Variants in HS6ST1 observed in about 807,000 individuals in gnomAD.
HS6ST1 encodes heparan sulfate 6-O-sulfotransferase 1.
Under a neutral mutation model 25.2 loss-of-function variants are expected in HS6ST1, and 3 were observed. The ratio of observed to expected loss-of-function variants is 0.12; its 90% CI spans 0.05 to 0.31. The LOEUF (loss-of-function observed/expected upper bound fraction) is 0.31. Ranked by LOEUF, HS6ST1 falls within the 10% of genes least tolerant of loss-of-function variation. HS6ST1 has a pLI of 1.00. For missense variants in HS6ST1, 310 were observed against 609.6 expected (o/e 0.51, Z 5.18); for synonymous variants, 204 against 275.1 (o/e 0.74, Z 2.56).
At chr2:128,306,619 G>A (rs776083245) in intron 1 of HS6ST1, among the ~76,000 whole-genome samples, 1 of 152,222 alleles carries the variant, frequency 6.6e-6, no homozygotes, top group African/African-American at 2.4e-5. Context: ...ATTCTCAGGT[G>A]GATGGTGATG....
intron 1 of HS6ST1, among the ~76,000 whole-genome samples, chr2:128,282,112 G>C (rs1279797136): frequency 6.6e-6 from 1 of 152,242 alleles, no homozygotes; most frequent in Non-Finnish European, 1.5e-5. Context: ...TGCTGCTCAG[G>C]ACGCCCTGCT....
intron 1 of HS6ST1, among the ~76,000 whole-genome samples, chr2:128,300,632 G>A (rs1694110585): frequency 1.3e-5 from 2 of 152,178 alleles, no homozygotes; most frequent in Non-Finnish European, 2.9e-5. Context: ...TTCGGGGGAG[G>A]CTGTAACTAA....
intron 1 of HS6ST1, among the ~76,000 whole-genome samples, chr2:128,294,617 GAGA>G (rs1237365725): frequency 2.0e-5 from 3 of 152,098 alleles, no homozygotes; most frequent in African/African-American, 7.2e-5. Flanking sequence ...GGAGAGCTGG[GAGA>G]AGAAGGTGGG....
chr2:128,290,833 A>G (rs903897008), intron 1 of HS6ST1, among the ~76,000 whole-genome samples: 1 of 151,056 alleles, frequency 6.6e-6, no homozygotes, highest in Non-Finnish European at 1.5e-5. Flanking sequence ...AAAAAAAAAA[A>G]AAAAAAAAAA....
chr2:128,301,585 AT>A (rs1389095627), intron 1 of HS6ST1, among the ~76,000 whole-genome samples: 1 of 152,220 alleles, frequency 6.6e-6, no homozygotes, highest in African/African-American at 2.4e-5. Context: ...GAAAAAAGGA[AT>A]TCTTGTTCCA....
intron 1 of HS6ST1, among the ~76,000 whole-genome samples, chr2:128,311,353 C>T (rs1006104380): frequency 2.0e-5 from 3 of 152,140 alleles, no homozygotes; most frequent in African/African-American, 4.8e-5. Flanking sequence ...GAGAAGTGCC[C>T]GAAAAGTGCT....
At chr2:128,273,689 T>C (rs6707476) in intron 1 of HS6ST1, among the ~76,000 whole-genome samples, 20,104 of 152,266 alleles carry the variant, frequency 0.13, 1,415 homozygotes, top group Non-Finnish European at 0.15. Flanking sequence ...AGCTGCGCCT[T>C]GCCCTGTCCC....
In HS6ST1 at chr2:128,287,210, C is replaced by T. The variant is rs569975392; in HGVS notation, c.528-18340G>A. 1.5e-4 allele frequency among the ~76,000 whole-genome samples: 23 copies of T among 152,320 alleles called. No individual in the cohort carries two copies. In the South Asian group the frequency reaches 2.3e-3, roughly 15 times the overall value. The stretch of plus-strand genomic sequence containing the variant: ...GGAAGCGCCCAACCCCTCCTGGTCC[C>T]AGGAATGGTCACTCCCATTCCTGAC... On this transcript the variant is annotated intron_variant, in intron 1 of 1. Transcript: ENST00000259241.
intron 1 of HS6ST1, among the ~76,000 whole-genome samples, chr2:128,288,956 AC>A (rs1693908345): frequency 6.6e-6 from 1 of 152,212 alleles, no homozygotes; most frequent in Admixed American, 6.5e-5. Context: ...GTTCTCACCC[AC>A]GACCCCACAG....
chr2:128,292,835 G>C (rs983802792), intron 1 of HS6ST1, among the ~76,000 whole-genome samples: 1 of 152,058 alleles, frequency 6.6e-6, no homozygotes, highest in Non-Finnish European at 1.5e-5. Context: ...TCAGCTGACG[G>C]GCTCCTGCTG....
In HS6ST1 at chr2:128,317,276, G is replaced by A. The variant is rs368499002; in HGVS notation, c.527+761C>T. Among the ~76,000 whole-genome samples the A allele has an allele frequency of 1.9e-4, 29 of 152,366 alleles. No homozygotes were observed. The East Asian group carries it at 4.1e-3, about 21-fold the overall frequency. Reference sequence around the variant, plus strand: ...CATGGGGCTGGGGGACCCCAGAGAAGGGGTGTGGCAGCACAGGTTCCCTGG... The same window carrying A: ...CATGGGGCTGGGGGACCCCAGAGAAAGGGTGTGGCAGCACAGGTTCCCTGG... On this transcript the variant is annotated intron_variant, in intron 1 of 1. Transcript: ENST00000259241.
At chr2:128,271,820 C>T (rs1270191754) in intron 1 of HS6ST1, among the ~76,000 whole-genome samples, 3 of 152,228 alleles carry the variant, frequency 2.0e-5, no homozygotes, top group Non-Finnish European at 1.5e-5. Context: ...GGAACTCATT[C>T]CTCAGCCGCA....
At chr2:128,299,264 C>T (rs1694086711) in intron 1 of HS6ST1, among the ~76,000 whole-genome samples, 1 of 152,286 alleles carries the variant, frequency 6.6e-6, no homozygotes, top group Non-Finnish European at 1.5e-5. Context: ...TGGTGTTCTG[C>T]TCTCCCGTCC....
intron 1 of HS6ST1, among the ~76,000 whole-genome samples, chr2:128,276,258 G>C (rs1224807680): frequency 6.6e-6 from 1 of 152,138 alleles, no homozygotes; most frequent in Non-Finnish European, 1.5e-5. Context: ...CTCCCGAGTA[G>C]CTGGGATTAC....
chr2:128,302,531 T>C (rs770613568), intron 1 of HS6ST1, among the ~76,000 whole-genome samples: 3 of 152,096 alleles, frequency 2.0e-5, no homozygotes, highest in Admixed American at 6.5e-5. Flanking sequence ...AGTCCTCTCT[T>C]GGGGCCCAGG....
At chr2:128,293,055 C>T (rs775435115) in intron 1 of HS6ST1, among the ~76,000 whole-genome samples, 1 of 152,184 alleles carries the variant, frequency 6.6e-6, no homozygotes, top group Admixed American at 6.5e-5. Context: ...GTGGTTCCAC[C>T]CATGGGCCTG....
At chr2:128,294,713 T>TGTGTGC (rs897172094) in intron 1 of HS6ST1, among the ~76,000 whole-genome samples, 1 of 128,150 alleles carries the variant, frequency 7.8e-6, no homozygotes, top group African/African-American at 3.2e-5. Context: ...TGTGTGTGTG[T>TGTGTGC]GTGGAGGGGG....
At chr2:128,295,468 C>G (rs1206375294) in intron 1 of HS6ST1, among the ~76,000 whole-genome samples, 3 of 152,220 alleles carry the variant, frequency 2.0e-5, no homozygotes, top group Admixed American at 2.0e-4. Context: ...TAACACAAAT[C>G]TTTCCCAAAC....
chr2:128,304,131 A>G (rs918419155), intron 1 of HS6ST1, among the ~76,000 whole-genome samples: 4 of 152,224 alleles, frequency 2.6e-5, no homozygotes, highest in Admixed American at 2.6e-4. Context: ...CTGGTTCTCC[A>G]GCTTGCAGAT....
Sources: allele counts gnomAD v4.1 joint callset (sites outside exome capture counted in the v4.1 genomes callset), GRCh38; gene constraint gnomAD v4.1.1; transcripts MANE v1.5; gene names NCBI Gene and HGNC (gene_info 2026-07-23, HGNC 2026-07-21).